MTMR8: variants seen among roughly 807,000 people sequenced by gnomAD.
The protein encoded by MTMR8 is phosphatidylinositol-3,5-bisphosphate 3-phosphatase MTMR8.
A neutral mutation model predicts 39.3 loss-of-function variants in MTMR8; 65 were observed. The ratio of observed to expected loss-of-function variants is 1.65; its 90% CI spans 1.35 to 2.03. The LOEUF (loss-of-function observed/expected upper bound fraction) is 2.03. Ranked by LOEUF, MTMR8 falls within the 30% of genes most tolerant of loss-of-function variation. MTMR8 has a pLI of 0.00. For synonymous variants in MTMR8, 245 were observed against 185.2 expected (o/e 1.32, Z -2.62); for missense variants, 777 against 538.9 (o/e 1.44, Z -4.37).
intron 12 of MTMR8, among the ~76,000 whole-genome samples, chrX:64,310,995 TA>T (rs1313884935): frequency 8.9e-6 from 1 of 112,050 alleles, no homozygotes; most frequent in Non-Finnish European, 1.9e-5. Context: ...GCATGATTTA[TA>T]ATCCTTTCGG....
intron 12 of MTMR8, among the ~76,000 whole-genome samples, chrX:64,287,340 C>T (rs1921221395): frequency 9.0e-6 from 1 of 111,618 alleles, no homozygotes; most frequent in African/African-American, 3.3e-5. Flanking sequence ...GAAGAACATT[C>T]CATGCTCATG....
intron 12 of MTMR8, among the ~76,000 whole-genome samples, chrX:64,314,242 A>C (rs776733716): frequency 1.8e-5 from 2 of 112,942 alleles, no homozygotes; most frequent in East Asian, 5.6e-4. Flanking sequence ...AGTGGGATTC[A>C]TCTTTGTTTG....
At chrX:64,371,084 G>T in intron 1 of MTMR8, among the ~76,000 whole-genome samples, 1 of 111,888 alleles carries the variant, frequency 8.9e-6, no homozygotes, top group Non-Finnish European at 1.9e-5. Context: ...TTGAACTCAG[G>T]AGTTTGAGGC....
rs773463561 is a variant in MTMR8, at chrX:64,295,808, G to A, written c.1482-24735C>T. ...CTATCCAAAAAATAAAAGGAAAAAT[G>A]CAATTATTGGTGAGGATACAGAAAA... is the stretch of plus-strand genomic sequence containing the variant. On this transcript the variant is annotated intron_variant, in intron 12 of 13. Coordinates refer to ENST00000374852, the MANE Select transcript of MTMR8 (RefSeq NM_017677.4). 3.6e-5 allele frequency among the ~76,000 whole-genome samples: 4 copies of A among 111,934 alleles called. 1 individual carries two copies. The highest frequency in any genetic ancestry group is 5.6e-4 in the East Asian group (2 of 3,547).
At chrX:64,284,516 T>C (rs1281572598) in intron 12 of MTMR8, among the ~76,000 whole-genome samples, 1 of 111,063 alleles carries the variant, frequency 9.0e-6, no homozygotes, top group Admixed American at 9.6e-5. Flanking sequence ...CCAAGACACA[T>C]AATTGTCAGA....
chrX:64,322,190 G>T, intron 12 of MTMR8, among the ~76,000 whole-genome samples: 1 of 109,296 alleles, frequency 9.1e-6, no homozygotes, highest in Non-Finnish European at 1.9e-5. Context: ...TAGAGACGAG[G>T]TCTCACTATG....
Position 64,356,308 on chromosome X carries a change from T to C in MTMR8, c.178A>G (p.Lys60Glu). ...IALHHIATVE[K>E]LPITSLGCPL... Reference sequence around the variant, plus strand: ...CAACCCAGGCTAGTGATGGGTAACTTCTCCACAGTGGCAATGTGATGGAGT... The same window carrying C: ...CAACCCAGGCTAGTGATGGGTAACTCCTCCACAGTGGCAATGTGATGGAGT... The change falls in exon 3 of 14, where the codon AAG becomes GAG. Residue 60 changes from lysine to glutamate, a missense_variant. Lys to Glu is a moderately conservative substitution (Grantham distance 56). Coordinates refer to ENST00000374852, the MANE Select transcript of MTMR8 (RefSeq NM_017677.4). 1.7e-6 allele frequency: 2 copies of C among 1,206,453 alleles called. No homozygotes were observed. Among genetic ancestry groups the C allele is most frequent in the Non-Finnish European group, 2.2e-6 (2 of 893,888 alleles).
chrX:64,349,924 G>T lies in MTMR8; in HGVS notation c.597+18C>A, dbSNP rs1457221266. 8.9e-7 allele frequency: 1 copy of T among 1,121,259 alleles called. No homozygotes were observed. The highest frequency in any genetic ancestry group is 3.3e-5 in the East Asian group (1 of 30,620). The allele number at this position is 1,121,259 out of a possible 1,213,427, so 92.4% of individuals were successfully genotyped here. A position where few individuals can be genotyped will look rare whatever the true frequency, so the allele number is the denominator to read the frequency against. ...AGAGCCATGTTTAATTATCATTAGA[G>T]AAATCTGCTTAACTTACATTGTTCT... On this transcript the variant is annotated intron_variant, in intron 5 of 13. Transcript: ENST00000374852.
At chrX:64,334,165 G>A (rs1230316094) in intron 10 of MTMR8, among the ~76,000 whole-genome samples, 1 of 110,464 alleles carries the variant, frequency 9.1e-6, no homozygotes, top group Non-Finnish European at 1.9e-5. Context: ...CTACTGAATA[G>A]TCTCCCTACT....
At chrX:64,295,985 A>C (rs1921566196) in intron 12 of MTMR8, among the ~76,000 whole-genome samples, 1 of 112,338 alleles carries the variant, frequency 8.9e-6, no homozygotes, top group Non-Finnish European at 1.9e-5. Flanking sequence ...CGAAGCAGGA[A>C]ATCAAACAGA....
chrX:64,297,401 G>A (rs1442637455), intron 12 of MTMR8, among the ~76,000 whole-genome samples: 4 of 103,284 alleles, frequency 3.9e-5, no homozygotes, highest in Non-Finnish European at 5.9e-5. Flanking sequence ...GTCTGTTCAT[G>A]TCCTTCACCC....
chrX:64,367,583 T>C (rs1056775288), intron 1 of MTMR8, among the ~76,000 whole-genome samples: 4 of 111,537 alleles, frequency 3.6e-5, no homozygotes, highest in African/African-American at 1.3e-4. Context: ...AAACTCCCAA[T>C]AAATTAGGTA....
At chrX:64,297,521 T>C (rs1308639115) in intron 12 of MTMR8, among the ~76,000 whole-genome samples, 1 of 86,438 alleles carries the variant, frequency 1.2e-5, no homozygotes, top group Non-Finnish European at 2.3e-5. Flanking sequence ...TTTTCTCCCA[T>C]TTTGTAGGTT....
chrX:64,315,243 G>C (rs1255471061), intron 12 of MTMR8, among the ~76,000 whole-genome samples: 2 of 111,945 alleles, frequency 1.8e-5, no homozygotes, highest in East Asian at 5.7e-4. Context: ...GCAAGAGAGG[G>C]TTGCTCCTTG....
At chrX:64,342,347 A>C (rs979872797) in intron 8 of MTMR8, among the ~76,000 whole-genome samples, 1 of 112,435 alleles carries the variant, frequency 8.9e-6, no homozygotes, top group Non-Finnish European at 1.9e-5. Flanking sequence ...GAGAAGAGGT[A>C]GAGTTCAAGG....
intron 12 of MTMR8, among the ~76,000 whole-genome samples, chrX:64,319,170 T>C (rs1416349477): frequency 8.9e-6 from 1 of 112,449 alleles, no homozygotes; most frequent in Non-Finnish European, 1.9e-5. Context: ...AGTAGGGAAC[T>C]CCGTACCTCC....
chrX:64,328,177 T>C (rs1034040097), intron 12 of MTMR8, among the ~76,000 whole-genome samples: 5 of 111,618 alleles, frequency 4.5e-5, no homozygotes, highest in Non-Finnish European at 5.7e-5. Context: ...TTCACTACTT[T>C]TACTCAACAC....
rs1240296402 is a variant in MTMR8 at position 64,278,443 on chromosome X, T to C, written c.1482-7370A>G. ...TGGATGTCCTTTTTGTTGATGTTGA[T>C]GCTATTTATTTTGCTGGTTTTTTTT... On this transcript the variant is annotated intron_variant, in intron 12 of 13. Coordinates refer to ENST00000374852, the MANE Select transcript of MTMR8 (RefSeq NM_017677.4). Among the ~76,000 whole-genome samples, 31 of 103,455 alleles carry C rather than the reference T, an allele frequency of 3.0e-4. 1 individual carries two copies. Among genetic ancestry groups the C allele is most frequent in the South Asian group, 9.3e-4 (2 of 2,152 alleles). 89.8% of individuals were successfully genotyped at this position (103,455 alleles called of 115,157 possible). A position where few individuals can be genotyped will look rare whatever the true frequency, so the allele number is the denominator to read the frequency against.
chrX:64,317,381 TA>T (rs1455436064), intron 12 of MTMR8, among the ~76,000 whole-genome samples: 3 of 111,568 alleles, frequency 2.7e-5, no homozygotes, highest in Non-Finnish European at 5.6e-5. Flanking sequence ...TGACTCTGTT[TA>T]TTTATTTTTT....
Sources: gnomAD v4.1 joint callset for allele counts (sites outside exome capture counted in the v4.1 genomes callset) on GRCh38, gnomAD v4.1.1 for gene constraint, MANE v1.5 for transcripts, NCBI Gene and HGNC (gene_info 2026-07-23, HGNC 2026-07-21) for gene names.